ISLR2: variants seen among roughly 807,000 people sequenced by gnomAD.
ISLR2 encodes immunoglobulin superfamily containing leucine-rich repeat protein 2.
Under a neutral mutation model 25.5 loss-of-function variants are expected in ISLR2, and 16 were observed. The ratio of observed to expected loss-of-function variants is 0.63; its 90% CI spans 0.43 to 0.95. The LOEUF is 0.95. ISLR2 is among the 40% of genes least tolerant of loss of function. ISLR2 has a pLI of 0.00. For missense variants in ISLR2, 883 were observed against 1,030.7 expected (o/e 0.86, Z 1.96); for synonymous variants, 508 against 486.6 (o/e 1.04, Z -0.58).
chr15:74,117,935 T>A (rs2072223489), intron 2 of ISLR2, among the ~76,000 whole-genome samples: 1 of 152,114 alleles, frequency 6.6e-6, no homozygotes, highest in Admixed American at 6.5e-5. Flanking sequence ...CATGGCAGCA[T>A]CTCCTCTTAT....
chr15:74,134,359 G>T lies in ISLR2; in HGVS notation c.1605G>T (p.Ala535=), dbSNP rs759681310. The stretch of plus-strand genomic sequence containing the variant: ...TGCGCCTACTCTATCTGTGTCCAGC[G>T]GGGGGCGGCGCGGCAGTGCAGTGGT... The part of the protein sequence containing the change: ...RPLRLLYLCP[A]GGGAAVQWSR... The change falls in exon 3 of 3, where the codon GCG becomes GCT. Residue 535 remains alanine (A), a synonymous_variant. Transcript: ENST00000453268. The T allele has an allele frequency of 2.5e-6, 4 of 1,598,640 alleles. No individual in the cohort carries two copies. The South Asian group carries it at 4.5e-5, about 18-fold the overall frequency.
At chr15:74,105,745 C>T (rs987442805) in intron 2 of ISLR2, among the ~76,000 whole-genome samples, 4 of 152,098 alleles carry the variant, frequency 2.6e-5, no homozygotes, top group Non-Finnish European at 4.4e-5. Flanking sequence ...AAGCCTGCGT[C>T]CCAGAATCAC....
At chr15:74,111,057 T>C (rs928721054) in intron 2 of ISLR2, among the ~76,000 whole-genome samples, 1 of 149,288 alleles carries the variant, frequency 6.7e-6, no homozygotes, top group Non-Finnish European at 1.5e-5. Context: ...GGAGAATCAC[T>C]TGAACCCAGG....
chr15:74,107,818 G>A (rs1361683781), intron 2 of ISLR2, among the ~76,000 whole-genome samples: 1 of 152,194 alleles, frequency 6.6e-6, no homozygotes, highest in Non-Finnish European at 1.5e-5. Context: ...CTGGAGGCAG[G>A]GAGGTCGTGG....
At chr15:74,123,202 C>T (rs907613821), upstream of ISLR2, among the ~76,000 whole-genome samples, 6 of 152,098 alleles carry the variant, frequency 3.9e-5, no homozygotes, top group Admixed American at 6.5e-5. Flanking sequence ...GAGGGGCTAG[C>T]TCCTGGGACC....
In ISLR2 at chr15:74,135,207, G is replaced by C; in HGVS notation, c.*215G>C. ...ACGGCTGCCATTCTCCCTGCGGGCT[G>C]AATCCCCTTCCCCGCCAAGCACAGT... On this transcript the variant is annotated 3_prime_UTR_variant, in exon 3 of 3. Transcript: ENST00000453268. 1.6e-6 allele frequency: 1 copy of C among 615,020 alleles called. No individual in the cohort carries two copies. The highest frequency in any genetic ancestry group is 2.1e-5 in the South Asian group (1 of 48,636). 38.1% of individuals were successfully genotyped at this position (615,020 alleles called of 1,614,324 possible). A position where few individuals can be genotyped will look rare whatever the true frequency, so the allele number is the denominator to read the frequency against.
chr15:74,121,371 T>C (rs2072251407), intron 2 of ISLR2, among the ~76,000 whole-genome samples: 1 of 152,180 alleles, frequency 6.6e-6, no homozygotes, highest in African/African-American at 2.4e-5. Flanking sequence ...TCACTCTTCA[T>C]AGCCTGATTC....
chr15:74,115,896 A>G (rs1352062401), intron 2 of ISLR2, among the ~76,000 whole-genome samples: 3 of 151,600 alleles, frequency 2.0e-5, no homozygotes, highest in Admixed American at 6.6e-5. Flanking sequence ...ATATTGAAAA[A>G]AAAAAAAAAA....
chr15:74,139,673 C>T (rs1401781556), downstream of ISLR2, among the ~76,000 whole-genome samples: 1 of 152,192 alleles, frequency 6.6e-6, no homozygotes, highest in Non-Finnish European at 1.5e-5. Context: ...TCTGGGAGAA[C>T]CTACCAGGTG....
chr15:74,120,032 A>C (rs1262111045), intron 2 of ISLR2, among the ~76,000 whole-genome samples: 1 of 152,220 alleles, frequency 6.6e-6, no homozygotes, highest in African/African-American at 2.4e-5. Flanking sequence ...AGGAACATGC[A>C]TAGAGCTCTC....
intron 2 of ISLR2, among the ~76,000 whole-genome samples, chr15:74,107,281 G>A (rs2072128331): frequency 6.6e-6 from 1 of 152,226 alleles, no homozygotes; most frequent in African/African-American, 2.4e-5. Flanking sequence ...CCAGATCCCA[G>A]GAACTGATCC....
At chr15:74,100,895 A>C (rs527841199) in intron 1 of ISLR2, among the ~76,000 whole-genome samples, 48 of 150,642 alleles carry the variant, frequency 3.2e-4, no homozygotes, top group Non-Finnish European at 4.3e-4. Context: ...GGGTAAAAAA[A>C]AAATCGGTTG....
intron 2 of ISLR2, among the ~76,000 whole-genome samples, chr15:74,122,158 TG>T (rs2072258130): frequency 6.6e-6 from 1 of 152,184 alleles, no homozygotes; most frequent in Admixed American, 6.5e-5. Context: ...CCAGATAGGC[TG>T]GGGACATTTC....
rs1326492362 is a variant in ISLR2 at position 74,133,781 on chromosome 15, C to A, written c.1027C>A (p.Pro343Thr). The part of the protein sequence containing the change: ...LALANGSLLV[P>T]LLSAKEAGVY... The stretch of plus-strand genomic sequence containing the variant: ...CCTCGCAAATGGCTCCCTGTTGGTG[C>A]CCCTCCTGAGTGCCAAGGAGGCGGG... Residue 343 changes from proline (P) to threonine (T), a missense_variant, in exon 3 of 3, where the codon CCC becomes ACC. By Grantham distance (38) the Pro-to-Thr change is conservative. Transcript: ENST00000453268. 9 of 1,613,754 alleles carry A rather than the reference C, an allele frequency of 5.6e-6. No individual in the cohort carries two copies. The highest frequency in any genetic ancestry group is 3.3e-5 in the Admixed American group (2 of 59,970).
At position 74,135,516 on chromosome 15, in the gene ISLR2, A is replaced by G. The variant is rs1006435071; in HGVS notation, c.*524A>G. 5 of 160,872 alleles carry G rather than the reference A, an allele frequency of 3.1e-5. No homozygotes were observed. Among genetic ancestry groups the G allele is most frequent in the Non-Finnish European group, 7.5e-5 (5 of 66,752 alleles). The allele number at this position is 160,872 out of a possible 1,614,324, so 10.0% of individuals were successfully genotyped here. Reference sequence around the variant, plus strand: ...TTTAATTTTATTTATTTATTTATTTATTTTTTGACGGAGTCTTGGTCTGTC... The same window carrying G: ...TTTAATTTTATTTATTTATTTATTTGTTTTTTGACGGAGTCTTGGTCTGTC... On this transcript the variant is annotated 3_prime_UTR_variant, in exon 3 of 3. Transcript: ENST00000453268.
intron 2 of ISLR2, among the ~76,000 whole-genome samples, chr15:74,113,859 T>C (rs2072189949): frequency 6.6e-6 from 1 of 152,224 alleles, no homozygotes; most frequent in African/African-American, 2.4e-5. Context: ...AATCGCTGTT[T>C]AGCTCTCAGC....
chr15:74,128,243 C>G (rs1303219585), upstream of ISLR2: 3 of 333,090 alleles, frequency 9.0e-6, no homozygotes, highest in Non-Finnish European at 1.7e-5. Context: ...CGGACTCTGC[C>G]TGGGGCGACT....
intron 2 of ISLR2, among the ~76,000 whole-genome samples, chr15:74,106,766 G>A (rs565459935): frequency 3.9e-5 from 6 of 152,174 alleles, no homozygotes; most frequent in South Asian, 4.1e-4. Context: ...CTGGGGGCCC[G>A]GACACCCCTC....
downstream of ISLR2, among the ~76,000 whole-genome samples, chr15:74,137,670 G>T (rs1360141975): frequency 6.6e-6 from 1 of 152,230 alleles, no homozygotes; most frequent in African/African-American, 2.4e-5. Flanking sequence ...AAGAGGCGGG[G>T]AAGAGAGATG....
Sources: allele counts gnomAD v4.1 joint callset (sites outside exome capture counted in the v4.1 genomes callset), GRCh38; gene constraint gnomAD v4.1.1; transcripts MANE v1.5; gene names NCBI Gene and HGNC (gene_info 2026-07-23, HGNC 2026-07-21).